Variants in PTGER3 observed in about 807,000 individuals in gnomAD.
The protein encoded by PTGER3 is prostaglandin E2 receptor EP3 subtype.
Under a neutral mutation model 34.7 loss-of-function variants are expected in PTGER3, and 22 were observed. That is an observed-to-expected ratio of 0.63 (90% CI 0.45 to 0.91). PTGER3 has a LOEUF of 0.91. PTGER3 is among the 40% of genes least tolerant of loss of function. The pLI, the probability that PTGER3 is intolerant of heterozygous loss-of-function variation, is 0.00. For missense variants in PTGER3, 468 were observed against 519.4 expected (o/e 0.90, Z 0.96); for synonymous variants, 241 against 230.1 (o/e 1.05, Z -0.43).
At chr1:70,870,943 A>G (rs1188709175) in intron 4 of PTGER3, among the ~76,000 whole-genome samples, 1 of 152,194 alleles carries the variant, frequency 6.6e-6, no homozygotes, top group African/African-American at 2.4e-5. Context: ...TGAGATGTCG[A>G]AACTCTTCTA....
chr1:70,969,549 C>A (rs192978952), downstream of PTGER3, among the ~76,000 whole-genome samples: 2 of 152,048 alleles, frequency 1.3e-5, no homozygotes, highest in East Asian at 3.9e-4. Context: ...AGGAATAGTA[C>A]AATACAATAG....
chr1:71,047,025 C>A lies in PTGER3; in HGVS notation c.553G>T (p.Val185Leu), dbSNP rs1402274142. ...ACCGGCAGCAGGGCGAAGGCGAGCA[C>A]GGCCAGCCACACGCCGAGCAGCACA... ...RAVLLGVWLA[V>L]LAFALLPVLG... Residue 185 changes from valine (V) to leucine (L), a missense_variant, in exon 1 of 4, where the codon GTG becomes TTG. Around this residue, in one of 5 missense-constraint regions of PTGER3, gnomAD observed 204 missense variants for 230.8 expected, o/e 0.88. Transcript: ENST00000306666. 16 of 1,610,638 alleles carry A rather than the reference C, an allele frequency of 9.9e-6. No individual in the cohort carries two copies. Among genetic ancestry groups the A allele is most frequent in the Non-Finnish European group, 1.4e-5 (16 of 1,178,828 alleles).
chr1:70,912,414 AG>A lies in PTGER3; in HGVS notation c.*23+41348del, dbSNP rs1158658001. The stretch of plus-strand genomic sequence containing the variant: ...GTTTATATTTGTTATGGCTCAGTTC[AG>A]TGGGATGATAACAGAAGTGATGTGT... On this transcript the variant is annotated intron_variant, in intron 4 of 4. Transcript: ENST00000370931. 3.3e-5 allele frequency among the ~76,000 whole-genome samples: 5 copies of A among 152,088 alleles called. No homozygotes were observed. The East Asian group carries it at 9.6e-4, about 29-fold the overall frequency.
intron 2 of PTGER3, among the ~76,000 whole-genome samples, chr1:70,962,570 G>A (rs1024414100): frequency 6.6e-6 from 1 of 152,202 alleles, no homozygotes; most frequent in African/African-American, 2.4e-5. Flanking sequence ...GAGGAGCAAA[G>A]TCATGTCTTA....
chr1:70,974,872 G>A (rs886611854), intron 2 of PTGER3, among the ~76,000 whole-genome samples: 2 of 152,054 alleles, frequency 1.3e-5, no homozygotes, highest in East Asian at 1.9e-4. Flanking sequence ...AGCCATCTTC[G>A]AACATTATGA....
exon 4 of PTGER3, chr1:70,952,833 G>A: frequency 6.9e-7 from 1 of 1,458,604 alleles, no homozygotes; most frequent in Non-Finnish European, 9.1e-7. Context: ...AATAAGCAGG[G>A]ATTAGAGTCA....
chr1:70,852,580 A>G, exon 5 of PTGER3: 1 of 520,028 alleles, frequency 1.9e-6, no homozygotes, highest in South Asian at 2.7e-5. Context: ...TTTACATATG[A>G]TAATGTATAC....
At chr1:70,941,262 G>C (rs1482416901) in intron 4 of PTGER3, among the ~76,000 whole-genome samples, 1 of 152,094 alleles carries the variant, frequency 6.6e-6, no homozygotes, top group African/African-American at 2.4e-5. Context: ...AAATTTTTGT[G>C]TTTTTTACCA....
intron 2 of PTGER3, among the ~76,000 whole-genome samples, chr1:70,961,232 A>G (rs1651901488): frequency 6.6e-6 from 1 of 152,232 alleles, no homozygotes; most frequent in Non-Finnish European, 1.5e-5. Flanking sequence ...TTCTATTTCA[A>G]CAATCCTGCC....
intron 2 of PTGER3, among the ~76,000 whole-genome samples, chr1:70,964,893 A>G (rs996559191): frequency 4.6e-5 from 7 of 152,222 alleles, no homozygotes; most frequent in African/African-American, 1.4e-4. Context: ...TGATAGACAC[A>G]CCAGACGTGG....
At chr1:70,987,697 A>G (rs1184790237) in intron 2 of PTGER3, among the ~76,000 whole-genome samples, 1 of 152,178 alleles carries the variant, frequency 6.6e-6, no homozygotes, top group Non-Finnish European at 1.5e-5. Context: ...CCAGCTATGC[A>G]TAGGCATAAC....
chr1:70,990,623 A>T (rs2100768611), intron 2 of PTGER3, among the ~76,000 whole-genome samples: 1 of 151,966 alleles, frequency 6.6e-6, no homozygotes, highest in East Asian at 1.9e-4. Context: ...TGGTACTACA[A>T]GTACACACTA....
chr1:70,853,389 A>G (rs914840434), intron 4 of PTGER3, among the ~76,000 whole-genome samples: 1 of 152,224 alleles, frequency 6.6e-6, no homozygotes, highest in African/African-American at 2.4e-5. Context: ...ACTAATTTCT[A>G]TAAGTGAATG....
chr1:70,897,559 C>T (rs1489686602), intron 4 of PTGER3, among the ~76,000 whole-genome samples: 1 of 152,120 alleles, frequency 6.6e-6, no homozygotes, highest in Non-Finnish European at 1.5e-5. Context: ...TGTTTCCATT[C>T]TATCAAGCTG....
rs598566 is a variant in PTGER3 at position 70,959,075 on chromosome 1, C to G, written c.1078-5286G>C. On this transcript the variant is annotated intron_variant, in intron 2 of 3. Coordinates refer to the PTGER3 transcript ENST00000356595. ...TATTATTCTGTGTTGGTTACTAGAG[C>G]TTTGTAGTATATTTCGAAGTCAGAT... Among the ~76,000 whole-genome samples, 225 of 152,032 alleles carry G rather than the reference C, an allele frequency of 1.5e-3. 1 individual carries two copies. The highest frequency in any genetic ancestry group is 5.3e-3 in the African/African-American group (218 of 41,446).
chr1:71,017,912 G>A (rs976614531), intron 1 of PTGER3, among the ~76,000 whole-genome samples: 6 of 152,088 alleles, frequency 3.9e-5, no homozygotes, highest in Non-Finnish European at 5.9e-5. Context: ...TCACAGGCAC[G>A]TGCCACCAGG....
At chr1:71,030,649 T>C (rs1659329007) in intron 1 of PTGER3, among the ~76,000 whole-genome samples, 1 of 152,192 alleles carries the variant, frequency 6.6e-6, no homozygotes, top group Non-Finnish European at 1.5e-5. Flanking sequence ...GCCGGTATCG[T>C]GGTGAATGGA....
chr1:70,947,092 C>T (rs185858497), intron 4 of PTGER3, among the ~76,000 whole-genome samples: 20 of 152,244 alleles, frequency 1.3e-4, no homozygotes, highest in Non-Finnish European at 2.4e-4. Context: ...TAGTTTTCCT[C>T]ATCAGTAAAA....
chr1:71,010,094 G>A, intron 2 of PTGER3: 1 of 984,930 alleles, frequency 1.0e-6, no homozygotes, highest in Non-Finnish European at 1.2e-6. Flanking sequence ...TATCCCCTGG[G>A]CAGGAATTTA....
Sources: gnomAD v4.1 joint callset for allele counts (sites outside exome capture counted in the v4.1 genomes callset) on GRCh38, gnomAD v4.1.1 for gene constraint, gnomAD v4.1.1 regional missense constraint, MANE v1.5 for transcripts, NCBI Gene and HGNC (gene_info 2026-07-23, HGNC 2026-07-21) for gene names.